The following SLC22A23 variants were observed in gnomAD, a reference collection of about 807,000 sequenced individuals.
SLC22A23 encodes ion transporter protein.
SLC22A23 carries 26 observed loss-of-function variants against 61.0 expected under a neutral mutation model. The observed-to-expected ratio is 0.43, with a 90% CI of 0.31 to 0.59. The LOEUF is 0.59. Ranked by LOEUF, SLC22A23 falls within the 20% of genes least tolerant of loss-of-function variation. The probability of loss-of-function intolerance (pLI) is 0.11; values close to 1 mark genes in which losing one functional copy is unlikely to be tolerated. For synonymous variants in SLC22A23, 430 were observed against 413.9 expected (o/e 1.04, Z -0.47); for missense variants, 796 against 934.7 (o/e 0.85, Z 1.94).
intron 1 of SLC22A23, among the ~76,000 whole-genome samples, chr6:3,429,687 C>T (rs1770733300): frequency 1.3e-5 from 2 of 152,240 alleles, no homozygotes; most frequent in South Asian, 2.1e-4. Context: ...AGAAACAAAA[C>T]GTGGTGCATG....
At position 3,456,399 on chromosome 6, in the gene SLC22A23, G is replaced by C; in HGVS notation, c.161C>G (p.Pro54Arg). ...PGGGAEIQPL[P>R]PLHPGGGPHP... ...CGGGCCGCCTCCAGGATGCAGTGGG[G>C]GCAGCGGCTGGATCTCCGCGCCGCC... Residue 54 changes from proline (P) to arginine (R), a missense_variant, in exon 1 of 10, where the codon CCC becomes CGC. Coordinates refer to ENST00000406686, the MANE Select transcript of SLC22A23 (RefSeq NM_015482.2). This position sits in a 1 kb window ranked among gnomAD's most constrained non-coding sequence, Gnocchi z 7.1. 1.3e-6 allele frequency: 2 copies of C among 1,494,790 alleles called. No individual in the cohort carries two copies. The highest frequency in any genetic ancestry group is 1.8e-6 in the Non-Finnish European group (2 of 1,118,716). The allele number at this position is 1,494,790 out of a possible 1,614,324, so 92.6% of individuals were successfully genotyped here.
intron 3 of SLC22A23, among the ~76,000 whole-genome samples, chr6:3,352,597 T>C (rs988437360): frequency 6.6e-6 from 1 of 152,188 alleles, no homozygotes; most frequent in Non-Finnish European, 1.5e-5. Flanking sequence ...CTGCCATTCT[T>C]GTTTTTCCAT....
intron 3 of SLC22A23, among the ~76,000 whole-genome samples, chr6:3,365,415 C>T (rs537934966): frequency 1.3e-5 from 2 of 152,330 alleles, no homozygotes; most frequent in South Asian, 4.1e-4. Context: ...CAGGAGTAGA[C>T]TACAGTGAAG....
chr6:3,338,979 A>G (rs913910768), intron 3 of SLC22A23, among the ~76,000 whole-genome samples: 32 of 152,214 alleles, frequency 2.1e-4, no homozygotes, highest in Non-Finnish European at 3.5e-4. Context: ...AAGTAACCCC[A>G]AGACTGAAGC....
intron 4 of SLC22A23, among the ~76,000 whole-genome samples, chr6:3,315,096 A>G (rs1762561973): frequency 6.6e-6 from 1 of 151,994 alleles, no homozygotes; most frequent in Non-Finnish European, 1.5e-5. Context: ...AAACACACAC[A>G]TTAGGTGGGC....
chr6:3,293,573 C>T (rs1331693823), intron 5 of SLC22A23, among the ~76,000 whole-genome samples: 2 of 152,248 alleles, frequency 1.3e-5, no homozygotes, highest in Admixed American at 6.5e-5. Flanking sequence ...CGGGCACTGC[C>T]GACCTCTGTC....
intron 5 of SLC22A23, among the ~76,000 whole-genome samples, chr6:3,296,295 A>G (rs1326084783): frequency 6.6e-6 from 1 of 152,184 alleles, no homozygotes; most frequent in East Asian, 1.9e-4. Context: ...GCTCTCCCTC[A>G]TGTTAGAGCA....
intron 3 of SLC22A23, among the ~76,000 whole-genome samples, chr6:3,405,843 C>T (rs1768789286): frequency 1.3e-5 from 2 of 152,164 alleles, no homozygotes; most frequent in Admixed American, 1.3e-4. Context: ...AACTCAAACT[C>T]TGAGTCTATT....
intron 3 of SLC22A23, among the ~76,000 whole-genome samples, chr6:3,347,614 G>A (rs1007228167): frequency 8.6e-5 from 13 of 151,874 alleles, no homozygotes; most frequent in Non-Finnish European, 1.3e-4. Context: ...CTCATTCATC[G>A]CTCGTGTTGG....
intron 4 of SLC22A23, among the ~76,000 whole-genome samples, chr6:3,314,562 C>T (rs1762529635): frequency 6.6e-6 from 1 of 152,098 alleles, no homozygotes; most frequent in Admixed American, 6.5e-5. Flanking sequence ...AAGAAACAAA[C>T]CCTCAAGAGA....
At chr6:3,423,854 G>A (rs902789261) in intron 1 of SLC22A23, among the ~76,000 whole-genome samples, 3 of 152,206 alleles carry the variant, frequency 2.0e-5, no homozygotes, top group Non-Finnish European at 4.4e-5. Context: ...CATCAATTCC[G>A]GAAGAGAGCC....
intron 3 of SLC22A23, among the ~76,000 whole-genome samples, chr6:3,379,991 C>T (rs1766854894): frequency 6.6e-6 from 1 of 152,004 alleles, no homozygotes; most frequent in Non-Finnish European, 1.5e-5. Flanking sequence ...GTGCGTGCAT[C>T]TGTACACATG....
intron 3 of SLC22A23, among the ~76,000 whole-genome samples, chr6:3,385,350 T>C (rs777159623): frequency 6.6e-6 from 1 of 152,020 alleles, no homozygotes; most frequent in Non-Finnish European, 1.5e-5. Flanking sequence ...CTGTCTCTAC[T>C]AAAAATACAA....
Position 3,308,345 on chromosome 6 carries a change from C to T in SLC22A23, c.1083-10127G>A, listed in dbSNP as rs543631913. 5.3e-5 allele frequency among the ~76,000 whole-genome samples: 8 copies of T among 152,260 alleles called. No individual in the cohort carries two copies. In the South Asian group the frequency reaches 1.0e-3, roughly 20 times the overall value. On this transcript the variant is annotated intron_variant, in intron 4 of 9. Transcript: ENST00000406686. The surrounding 1 kb of genome is among the most constrained non-coding windows in gnomAD (Gnocchi z 5.1). ...ATGTCCTTCCAAATCGTATTCAGGG[C>T]GCTGACACGCACCTGCATCTCCAGG... is the stretch of plus-strand genomic sequence containing the variant.
At chr6:3,364,009 T>C (rs1434273955) in intron 3 of SLC22A23, among the ~76,000 whole-genome samples, 1 of 152,224 alleles carries the variant, frequency 6.6e-6, no homozygotes, top group Non-Finnish European at 1.5e-5. Context: ...ACCTGGCCCA[T>C]GGGCCCACAC....
intron 3 of SLC22A23, among the ~76,000 whole-genome samples, chr6:3,378,674 T>C (rs1373617606): frequency 3.4e-5 from 5 of 145,542 alleles, no homozygotes; most frequent in Non-Finnish European, 7.5e-5. Flanking sequence ...TTTTTTTTTT[T>C]GAGATGGAGT....
chr6:3,352,517 A>C (rs1764835330), intron 3 of SLC22A23, among the ~76,000 whole-genome samples: 1 of 152,192 alleles, frequency 6.6e-6, no homozygotes, highest in Admixed American at 6.5e-5. Flanking sequence ...ATACACAGAC[A>C]GAGAGAAAGA....
At position 3,456,017 on chromosome 6, in the gene SLC22A23, G is replaced by A; in HGVS notation, c.543C>T (p.Asp181=). The change falls in exon 1 of 10, where the codon GAC becomes GAT. Residue 181 remains aspartate, a synonymous_variant. Coordinates refer to ENST00000406686, the MANE Select transcript of SLC22A23 (RefSeq NM_015482.2). This position sits in a 1 kb window ranked among gnomAD's most constrained non-coding sequence, Gnocchi z 7.1. The part of the protein sequence containing the change: ...RSNSSGADGG[D]TPPLPSPPDK... ...CCGGAGGGGATGGCAGGGGTGGTGT[G>A]TCGCCTCCGTCCGCGCCGCTGCTGT... 1.3e-6 allele frequency: 2 copies of A among 1,546,832 alleles called. No homozygotes were observed. Among genetic ancestry groups the A allele is most frequent in the Non-Finnish European group, 1.7e-6 (2 of 1,146,800 alleles).
At chr6:3,406,343 T>C (rs192435794) in intron 3 of SLC22A23, among the ~76,000 whole-genome samples, 14 of 152,350 alleles carry the variant, frequency 9.2e-5, no homozygotes, top group African/African-American at 3.1e-4. Context: ...GTCTGTGATA[T>C]TATGGATCCT....
Sources: allele counts gnomAD v4.1 joint callset (sites outside exome capture counted in the v4.1 genomes callset), GRCh38; gene constraint gnomAD v4.1.1; non-coding constraint Gnocchi (gnomAD v3.1); transcripts MANE v1.5; gene names NCBI Gene and HGNC (gene_info 2026-07-23, HGNC 2026-07-21).